Variants in TACC1 observed in about 807,000 individuals in gnomAD.
TACC1 encodes the protein transforming acidic coiled-coil containing protein 1.
Under a neutral mutation model 84.4 loss-of-function variants are expected in TACC1, and 48 were observed. The ratio of observed to expected loss-of-function variants is 0.57; its 90% CI spans 0.45 to 0.72. The LOEUF (loss-of-function observed/expected upper bound fraction) is 0.72, where lower values mean the gene tolerates loss of function less well. Among genes scored for constraint, TACC1 ranks in the 30% least tolerant of loss-of-function variants. TACC1 has a pLI of 0.00. For missense variants in TACC1, 920 were observed against 973.0 expected (o/e 0.95, Z 0.72); for synonymous variants, 372 against 376.3 (o/e 0.99, Z 0.13).
intron 5 of TACC1, chr8:38,827,616 G>A (rs1201072422): frequency 3.8e-6 from 2 of 529,668 alleles, no homozygotes; most frequent in Non-Finnish European, 6.7e-6. Context: ...ATGTGAGACT[G>A]CTTGAATTTC....
At chr8:38,771,892 A>G (rs1813693508) in intron 3 of TACC1, among the ~76,000 whole-genome samples, 1 of 152,134 alleles carries the variant, frequency 6.6e-6, no homozygotes. Flanking sequence ...ATCACACGCC[A>G]CCATGCCTGG....
chr8:38,746,723 G>A (rs1262190118), intron 3 of TACC1, among the ~76,000 whole-genome samples: 1 of 152,144 alleles, frequency 6.6e-6, no homozygotes, highest in Non-Finnish European at 1.5e-5. Flanking sequence ...GAATTTACAT[G>A]AAGAAGTACA....
intron 11 of TACC1, chr8:38,846,483 T>C: frequency 2.2e-6 from 1 of 461,084 alleles, no homozygotes; most frequent in Non-Finnish European, 3.8e-6. Flanking sequence ...AACCATTTGC[T>C]AGTGAGATAC....
chr8:38,790,124 TC>T (rs1215124584), intron 2 of TACC1, among the ~76,000 whole-genome samples: 1 of 152,220 alleles, frequency 6.6e-6, no homozygotes, highest in East Asian at 1.9e-4. Flanking sequence ...CCTTGCCTCT[TC>T]TAGCCTCTGC....
At chr8:38,763,518 T>C (rs556151413) in intron 3 of TACC1, among the ~76,000 whole-genome samples, 2 of 152,264 alleles carry the variant, frequency 1.3e-5, no homozygotes, top group Non-Finnish European at 2.9e-5. Flanking sequence ...AGGAGTTGCA[T>C]GCCAGGAAAT....
intron 3 of TACC1, among the ~76,000 whole-genome samples, chr8:38,773,605 GCTAT>G (rs1202102673): frequency 1.3e-5 from 2 of 148,410 alleles, no homozygotes; most frequent in Non-Finnish European, 3.0e-5. Context: ...TATCTATCTA[GCTAT>G]CTATCTAGCT....
rs16887753 is a variant in TACC1, at chr8:38,776,125, T to A, written c.27-12579T>A. Among the ~76,000 whole-genome samples the A allele has an allele frequency of 6.5e-3, 985 of 152,276 alleles. 7 individuals carry two copies. Among genetic ancestry groups the A allele is most frequent in the African/African-American group, 0.022 (931 of 41,542 alleles). ...ATACAATCATATTATTTCAAGGAAA[T>A]CTCCCCAAAGAAAATAATAACCTTC... On this transcript the variant is annotated intron_variant, in intron 3 of 14. Transcript: ENST00000518415.
At chr8:38,786,928 A>C (rs1817279359), upstream of TACC1, among the ~76,000 whole-genome samples, 1 of 152,082 alleles carries the variant, frequency 6.6e-6, no homozygotes, top group Non-Finnish European at 1.5e-5. Context: ...AAATTTTAAA[A>C]AGGAATAAGG....
intron 2 of TACC1, among the ~76,000 whole-genome samples, chr8:38,811,253 A>G (rs924866008): frequency 0.015 from 16 of 1,066 alleles, no homozygotes; most frequent in Non-Finnish European, 0.071. Flanking sequence ...CCCCACTCCA[A>G]CTAGTCCCCA....
chr8:38,732,434 A>AC lies in TACC1; in HGVS notation c.-675+3763_-675+3764insC, dbSNP rs1345408560. Among the ~76,000 whole-genome samples the AC allele has an allele frequency of 1.9e-3, 291 of 152,118 alleles. 2 individuals are homozygous for AC. Among genetic ancestry groups the AC allele is most frequent in the Middle Eastern group, 0.01 (3 of 292 alleles). On this transcript the variant is annotated intron_variant, in intron 1 of 14. Transcript: ENST00000518415. ...CTGATTTAAAACAACAACAACAACA[A>AC]AAAAAAACCCAGGAGATCAAGACTT...
At chr8:38,829,564 A>C (rs1007810571) in intron 5 of TACC1, among the ~76,000 whole-genome samples, 2 of 152,050 alleles carry the variant, frequency 1.3e-5, no homozygotes, top group African/African-American at 4.8e-5. Context: ...GTTCCACAGT[A>C]CCTAGCGCAG....
chr8:38,769,637 T>G (rs959901367), intron 3 of TACC1, among the ~76,000 whole-genome samples: 1 of 148,204 alleles, frequency 6.7e-6, no homozygotes, highest in Non-Finnish European at 1.5e-5. Context: ...TGTGTGTGAC[T>G]ACGTGGGGTG....
chr8:38,760,890 G>A (rs1330552784), intron 3 of TACC1, among the ~76,000 whole-genome samples: 2 of 152,114 alleles, frequency 1.3e-5, no homozygotes, highest in South Asian at 2.1e-4. Flanking sequence ...TGTGCAATAC[G>A]TAGTTATTAT....
chr8:38,781,138 C>T (rs749367742), intron 3 of TACC1, among the ~76,000 whole-genome samples: 7 of 152,146 alleles, frequency 4.6e-5, no homozygotes, highest in Non-Finnish European at 8.8e-5. Flanking sequence ...CCCTTCCAAC[C>T]ACCATCCCAA....
intron 9 of TACC1, 103 bp from the exon 10 acceptor site, chr8:38,842,182 GGT>G: frequency 7.6e-7 from 1 of 1,314,744 alleles, no homozygotes; most frequent in Non-Finnish European, 1.0e-6. Flanking sequence ...GCGGGAATTT[GGT>G]CACATCCCCG....
At position 38,846,834 on chromosome 8, in the gene TACC1, C is replaced by T. The variant is rs764358156; in HGVS notation, c.2349+15C>T. On this transcript the variant is annotated intron_variant, in intron 12 of 12. Coordinates refer to ENST00000317827, the MANE Select transcript of TACC1 (RefSeq NM_006283.3). ...TGCAGCAGAAGGTACAGAAAGGGAC[C>T]TGATCTGGGTGGCCACAGAGACGTT... 2.0e-5 allele frequency: 32 copies of T among 1,613,668 alleles called. No individual in the cohort carries two copies. The South Asian group carries it at 3.5e-4, about 18-fold the overall frequency.
chr8:38,796,839 C>T (rs887466231), intron 2 of TACC1, among the ~76,000 whole-genome samples: 15 of 152,182 alleles, frequency 9.9e-5, no homozygotes, highest in Admixed American at 6.5e-4. Context: ...TTTAAGAGGC[C>T]TTTGTTGGTG....
At position 38,810,053 on chromosome 8, in the gene TACC1, C is replaced by T. The variant is rs966993435; in HGVS notation, c.278-9469C>T. On this transcript the variant is annotated intron_variant, in intron 2 of 12. Coordinates refer to ENST00000317827, the MANE Select transcript of TACC1 (RefSeq NM_006283.3). ...AAAGTAGAACTTCTATTTCCATTGC[C>T]CAGATAAAGGACTATCAAGATTTTG... Among the ~76,000 whole-genome samples, 25 of 152,262 alleles carry T rather than the reference C, an allele frequency of 1.6e-4. No individual in the cohort carries two copies. The South Asian group carries it at 2.1e-3, about 13-fold the overall frequency.
chr8:38,809,397 G>C (rs1823536294), intron 2 of TACC1, among the ~76,000 whole-genome samples: 1 of 152,100 alleles, frequency 6.6e-6, no homozygotes, highest in South Asian at 2.1e-4. Flanking sequence ...GTCAGACTTA[G>C]AGCTTTTGTC....
Sources: allele counts gnomAD v4.1 joint callset (sites outside exome capture counted in the v4.1 genomes callset), GRCh38; gene constraint gnomAD v4.1.1; transcripts MANE v1.5; gene names NCBI Gene and HGNC (gene_info 2026-07-23, HGNC 2026-07-21).